The following MSANTD7 variants were observed in gnomAD, a reference collection of about 807,000 sequenced individuals.
MSANTD7 encodes the protein zinc finger and SCAN domain containing 29.
At chr10:14,840,396 C>T in the MSANTD7 span, among the ~76,000 whole-genome samples, 3 of 152,030 alleles carry the variant, frequency 2.0e-5, no homozygotes, top group Non-Finnish European at 2.9e-5. Context: ...TGGTAATTTG[C>T]GTCAGAGGTG....
chr10:14,843,315 C>T, the MSANTD7 span: 3 of 1,544,312 alleles, frequency 1.9e-6, no homozygotes, highest in South Asian at 1.2e-5. Flanking sequence ...CTGCTGGCTC[C>T]AAGCATTCCC....
chr10:14,844,587 TTC>T, the MSANTD7 span: 1 of 985,362 alleles, frequency 1.0e-6, no homozygotes, highest in Non-Finnish European at 1.2e-6. Context: ...CAAACCGTCT[TTC>T]TCTCCTTCAT....
At chr10:14,844,941 C>T in the MSANTD7 span, 2 of 985,366 alleles carry the variant, frequency 2.0e-6, no homozygotes, top group Non-Finnish European at 2.4e-6. Context: ...AGGAGCTTTC[C>T]AAGATTCCTT....
At chr10:14,838,660 C>T in the MSANTD7 span, 2 of 532,894 alleles carry the variant, frequency 3.8e-6, no homozygotes, top group Non-Finnish European at 3.3e-6. Flanking sequence ...GTCTACTCCG[C>T]GGCGGAGGCT....
At chr10:14,841,982 C>T in the MSANTD7 span, 1,203 of 482,434 alleles carry the variant, frequency 2.5e-3, 13 homozygotes, top group African/African-American at 0.021. Context: ...TTCTTGGTGC[C>T]GTGTCTACCC....
chr10:14,842,794 G>A, the MSANTD7 span: 1 of 1,536,288 alleles, frequency 6.5e-7, no homozygotes, highest in Non-Finnish European at 8.7e-7. The surrounding 1 kb of genome is among the most constrained non-coding windows in gnomAD (Gnocchi z 5.2). Context: ...TCAGTGACCG[G>A]ATACGAGAAA....
chr10:14,844,844 A>C, the MSANTD7 span: 67 of 985,428 alleles, frequency 6.8e-5, no homozygotes, highest in African/African-American at 1.0e-3. Flanking sequence ...TCAGTTTCCC[A>C]TCCGCTTTTT....
the MSANTD7 span, chr10:14,841,255 A>G: frequency 6.6e-6 from 1 of 152,210 alleles, no homozygotes; most frequent in East Asian, 1.9e-4. Context: ...CCTTTTACCT[A>G]TTGATAAAAC....
At chr10:14,845,107 A>G in the MSANTD7 span, 27 of 985,314 alleles carry the variant, frequency 2.7e-5, no homozygotes, top group Non-Finnish European at 3.3e-5. Context: ...CCGTGAACAG[A>G]TGAGCCTCCT....
At chr10:14,841,615 T>C in the MSANTD7 span, among the ~76,000 whole-genome samples, 1 of 152,230 alleles carries the variant, frequency 6.6e-6, no homozygotes, top group East Asian at 1.9e-4. Context: ...ACTGTTTGTT[T>C]TATGCTGCTG....
the MSANTD7 span, chr10:14,845,901 T>C: frequency 1.9e-6 from 1 of 514,742 alleles, no homozygotes; most frequent in Non-Finnish European, 2.5e-6. Context: ...ATTGAGGGAT[T>C]TGTATTAGAT....
the MSANTD7 span, chr10:14,845,596 TTA>T: frequency 1.4e-5 from 13 of 929,442 alleles, no homozygotes; most frequent in African/African-American, 1.8e-5. Context: ...TCTATTATTA[TTA>T]TTTTTTTTTT....
At chr10:14,845,889 G>A in the MSANTD7 span, 8 of 449,098 alleles carry the variant, frequency 1.8e-5, no homozygotes, top group South Asian at 2.8e-4. Context: ...CTTTATCTCC[G>A]GATTGAGGGA....
At chr10:14,838,502 C>T in the MSANTD7 span, 1 of 1,545,250 alleles carries the variant, frequency 6.5e-7, no homozygotes. Context: ...TGACGGCCAC[C>T]CGGTTTTCTG....
the MSANTD7 span, chr10:14,842,066 CACTTA>C: frequency 8.4e-7 from 1 of 1,192,562 alleles, no homozygotes; most frequent in Non-Finnish European, 1.2e-6. The surrounding 1 kb of genome is among the most constrained non-coding windows in gnomAD (Gnocchi z 5.2). Context: ...CAGGTAGCAC[CACTTA>C]ACTTGCTGCC....
At chr10:14,846,124 T>C in the MSANTD7 span, 1 of 969,524 alleles carries the variant, frequency 1.0e-6, no homozygotes, top group Non-Finnish European at 1.2e-6. Flanking sequence ...ATATAGACTC[T>C]TTACTTTAAA....
the MSANTD7 span, chr10:14,846,756 ACT>A: frequency 2.1e-5 from 21 of 985,342 alleles, no homozygotes; most frequent in East Asian, 2.4e-3. Flanking sequence ...TAGGGGAAAG[ACT>A]CTGGAGCACA....
chr10:14,845,029 C>G, the MSANTD7 span: 4 of 985,234 alleles, frequency 4.1e-6, no homozygotes, highest in Non-Finnish European at 4.8e-6. Context: ...TCCTCTTTAA[C>G]TTTGGGAACA....
the MSANTD7 span, chr10:14,844,679 C>T: frequency 4.3e-5 from 42 of 972,102 alleles, no homozygotes; most frequent in Middle Eastern, 5.2e-4. Flanking sequence ...CGGTTTATAT[C>T]GATAATCTTC....
Sources: gnomAD v4.1 joint callset for allele counts (sites outside exome capture counted in the v4.1 genomes callset) on GRCh38, gnomAD v4.1.1 for gene constraint, Gnocchi (gnomAD v3.1) non-coding constraint, MANE v1.5 for transcripts, NCBI Gene and HGNC (gene_info 2026-07-23, HGNC 2026-07-21) for gene names.